The following GIGYF2 variants were observed in gnomAD, a reference collection of about 807,000 sequenced individuals.
GIGYF2 encodes GRB10 interacting GYF protein 2.
GIGYF2 carries 25 observed loss-of-function variants against 208.1 expected under a neutral mutation model. That is an observed-to-expected ratio of 0.12 (90% CI 0.09 to 0.17). The LOEUF (loss-of-function observed/expected upper bound fraction) is 0.17, where lower values mean the gene tolerates loss of function less well. GIGYF2 is among the 10% of genes least tolerant of loss of function. GIGYF2 has a pLI of 1.00. For synonymous variants in GIGYF2, 534 were observed against 543.8 expected (o/e 0.98, Z 0.25); for missense variants, 1,302 against 1,579.4 (o/e 0.82, Z 2.98).
chr2:232,747,224 A>C (rs1451443590), intron 3 of GIGYF2, among the ~76,000 whole-genome samples: 1 of 152,214 alleles, frequency 6.6e-6, no homozygotes, highest in Non-Finnish European at 1.5e-5. Context: ...ATTGTTTTAC[A>C]TCCTTACCAA....
At chr2:232,815,868 C>T in intron 19 of GIGYF2, 131 bp downstream of exon 19, 1 of 676,458 alleles carries the variant, frequency 1.5e-6, no homozygotes. Flanking sequence ...GGTATAAGTA[C>T]ATTCATATTG....
At chr2:232,730,210 T>G in intron 2 of GIGYF2, 5 of 1,239,148 alleles carry the variant, frequency 4.0e-6, no homozygotes, top group Non-Finnish European at 5.9e-6. Context: ...GCATCAGCTG[T>G]ACCTGAGAGC....
intron 1 of GIGYF2, chr2:232,700,760 C>G (rs1475902930): frequency 6.6e-6 from 1 of 151,512 alleles, no homozygotes; most frequent in Non-Finnish European, 1.5e-5. Flanking sequence ...TTGATTCCCA[C>G]TAGGGTTTTG....
At chr2:232,833,156 G>A (rs1701476211) in intron 22 of GIGYF2, 63 bp downstream of exon 22, 1 of 969,348 alleles carries the variant, frequency 1.0e-6, no homozygotes. Flanking sequence ...GGTAGGTGCT[G>A]GCTGTACCAG....
intron 20 of GIGYF2, among the ~76,000 whole-genome samples, chr2:232,817,315 G>A (rs1330102380): frequency 6.6e-6 from 1 of 152,126 alleles, no homozygotes; most frequent in Non-Finnish European, 1.5e-5. Context: ...TAAAAACAAT[G>A]AGAAAGTAAC....
chr2:232,856,419 T>C (rs1240402125), intron 28 of GIGYF2, among the ~76,000 whole-genome samples: 1 of 152,068 alleles, frequency 6.6e-6, no homozygotes, highest in East Asian at 1.9e-4. Context: ...GCCAGGCACG[T>C]TGGCTGACGC....
At chr2:232,833,180 G>GTTCT in intron 22 of GIGYF2, 87 bp downstream of exon 22, 1 of 685,688 alleles carries the variant, frequency 1.5e-6, no homozygotes, top group Non-Finnish European at 2.4e-6. Flanking sequence ...CAGTAAAACT[G>GTTCT]TTCTTTCTTT....
intron 17 of GIGYF2, among the ~76,000 whole-genome samples, chr2:232,811,743 C>T (rs1176214906): frequency 6.6e-6 from 1 of 152,118 alleles, no homozygotes; most frequent in Non-Finnish European, 1.5e-5. Flanking sequence ...TAAGGTAGGT[C>T]TAAGGAAAAG....
chr2:232,846,506 A>T (rs1702010266), intron 26 of GIGYF2, among the ~76,000 whole-genome samples: 2 of 152,250 alleles, frequency 1.3e-5, no homozygotes, highest in Admixed American at 1.3e-4. Context: ...GAATTGAATT[A>T]ATCCACCTCT....
At chr2:232,764,592 C>G (rs539111983) in intron 8 of GIGYF2, 1 of 152,204 alleles carries the variant, frequency 6.6e-6, no homozygotes, top group Non-Finnish European at 1.5e-5. Context: ...TACCTGCCTA[C>G]TAATCATGAT....
intron 18 of GIGYF2, among the ~76,000 whole-genome samples, chr2:232,814,577 C>CTA (rs1553616914): frequency 1.3e-4 from 17 of 130,016 alleles, no homozygotes; most frequent in East Asian, 1.1e-3. Flanking sequence ...CCCCCCCCCC[C>CTA]AAAAAAAAAG....
intron 8 of GIGYF2, among the ~76,000 whole-genome samples, chr2:232,769,841 C>G (rs1474650002): frequency 2.0e-5 from 3 of 152,108 alleles, no homozygotes; most frequent in African/African-American, 7.2e-5. Flanking sequence ...TATTATAGTA[C>G]TATATGTGCC....
In GIGYF2 at chr2:232,815,887, C is replaced by G. The variant is rs547882287; in HGVS notation, c.2208+150C>G. 133 of 626,852 alleles carry G rather than the reference C, an allele frequency of 2.1e-4. No individual in the cohort carries two copies. In the South Asian group the frequency reaches 2.3e-3, roughly 11 times the overall value. 38.8% of individuals were successfully genotyped at this position (626,852 alleles called of 1,614,324 possible). ...TAAGTACATTCATATTGTATCTTTA[C>G]TGTGCTCTCTTCTCCCAAAAAAAAA... On this transcript the variant is annotated intron_variant, in intron 19 of 28. Coordinates refer to ENST00000373563, the MANE Select transcript of GIGYF2 (RefSeq NM_001103146.3).
At chr2:232,836,565 C>CA (rs554171454) in intron 22 of GIGYF2, among the ~76,000 whole-genome samples, 1,142 of 55,500 alleles carry the variant, frequency 0.021, 16 homozygotes, top group Middle Eastern at 0.037. Context: ...GACCCTGTCT[C>CA]AAAAAAAAAA....
chr2:232,812,065 A>G (rs549558579), intron 17 of GIGYF2, among the ~76,000 whole-genome samples: 1 of 152,142 alleles, frequency 6.6e-6, no homozygotes, highest in African/African-American at 2.4e-5. Context: ...TGTGACTTCT[A>G]TTGAGATGAT....
At chr2:232,799,442 CAG>C (rs1032705490) in intron 14 of GIGYF2, among the ~76,000 whole-genome samples, 3 of 151,278 alleles carry the variant, frequency 2.0e-5, no homozygotes, top group African/African-American at 7.3e-5. Context: ...CCCAACTACT[CAG>C]GAGACTGAGG....
intron 1 of GIGYF2, among the ~76,000 whole-genome samples, chr2:232,699,447 C>G (rs1221260919): frequency 6.6e-6 from 1 of 152,156 alleles, no homozygotes; most frequent in Non-Finnish European, 1.5e-5. Flanking sequence ...AAAGGGAAAT[C>G]AGATTCTGGA....
intron 8 of GIGYF2, chr2:232,776,584 C>G (rs1248942938): frequency 1.8e-5 from 13 of 724,034 alleles, no homozygotes; most frequent in Non-Finnish European, 2.7e-5. Flanking sequence ...AGCTTACATT[C>G]CTCTGTTTAT....
chr2:232,800,611 G>A (rs181413628), intron 14 of GIGYF2, among the ~76,000 whole-genome samples: 1 of 150,260 alleles, frequency 6.7e-6, no homozygotes, highest in Admixed American at 6.6e-5. Context: ...TTAAGACCGG[G>A]TCTTGCTCTG....
Sources: gnomAD v4.1 joint callset for allele counts (sites outside exome capture counted in the v4.1 genomes callset) on GRCh38, gnomAD v4.1.1 for gene constraint, MANE v1.5 for transcripts, NCBI Gene and HGNC (gene_info 2026-07-23, HGNC 2026-07-21) for gene names.